DLG2: variants seen among roughly 807,000 people sequenced by gnomAD.
DLG2 encodes the protein disks large homolog 2.
In DLG2, 45 loss-of-function variants were observed where a neutral mutation model predicts 132.5. The observed-to-expected ratio is 0.34, with a 90% CI of 0.27 to 0.44. The LOEUF is 0.44. Ranked by LOEUF, DLG2 falls within the 20% of genes least tolerant of loss-of-function variation. The pLI is 1.00. For synonymous variants in DLG2, 424 were observed against 419.6 expected (o/e 1.01, Z -0.13); for missense variants, 1,045 against 1,196.9 (o/e 0.87, Z 1.87).
chr11:85,347,500 T>C (rs1051793373), intron 3 of DLG2, among the ~76,000 whole-genome samples: 7 of 152,094 alleles, frequency 4.6e-5, no homozygotes, highest in African/African-American at 1.7e-4. Context: ...CCTTGGTCCA[T>C]TCATTCTTTC....
intron 9 of DLG2, among the ~76,000 whole-genome samples, chr11:84,133,342 C>T (rs2094486871): frequency 6.6e-6 from 1 of 151,980 alleles, no homozygotes; most frequent in South Asian, 2.1e-4. Context: ...AGAGGTGTAA[C>T]TGAGGTCACA....
rs900276483 is a variant in DLG2 at position 84,058,506 on chromosome 11, CAATAAT to C, written c.919+803_919+808del. On this transcript the variant is annotated intron_variant, in intron 11 of 27. Coordinates refer to ENST00000376104, the MANE Select transcript of DLG2 (RefSeq NM_001142699.3). ...GTCTGTCTCTACCAAAAAACAAATA[CAATAAT>C]AATAATAATAATAATAATAATAATA... Among the ~76,000 whole-genome samples the C allele has an allele frequency of 9.9e-3, 1,268 of 128,136 alleles. 14 individuals carry two copies. The highest frequency in any genetic ancestry group is 0.014 in the Non-Finnish European group (887 of 63,814). 84.1% of individuals were successfully genotyped at this position (128,136 alleles called of 152,430 possible).
chr11:85,502,585 G>A (rs1407243821), intron 3 of DLG2, among the ~76,000 whole-genome samples: 2 of 151,892 alleles, frequency 1.3e-5, no homozygotes, highest in Non-Finnish European at 2.9e-5. Flanking sequence ...TCACTTATAA[G>A]TTGGAGCTGA....
chr11:84,252,419 GA>G, intron 7 of DLG2, among the ~76,000 whole-genome samples: 1 of 151,874 alleles, frequency 6.6e-6, no homozygotes, highest in African/African-American at 2.4e-5. Context: ...ATACAGGCGT[GA>G]ACAAGCATGC....
chr11:85,193,816 T>G (rs1340839025), intron 4 of DLG2, among the ~76,000 whole-genome samples: 1 of 152,232 alleles, frequency 6.6e-6, no homozygotes, highest in Non-Finnish European at 1.5e-5. Context: ...CTACCACTCT[T>G]TGGGTTGTCA....
At chr11:85,431,212 A>G (rs1207119080) in intron 3 of DLG2, among the ~76,000 whole-genome samples, 1 of 152,300 alleles carries the variant, frequency 6.6e-6, no homozygotes, top group South Asian at 2.1e-4. Flanking sequence ...CAGCTGAGGT[A>G]TCCATGTTCT....
intron 18 of DLG2, among the ~76,000 whole-genome samples, chr11:83,732,758 G>T (rs2091244915): frequency 6.6e-6 from 1 of 152,184 alleles, no homozygotes; most frequent in South Asian, 2.1e-4. Context: ...ATTCTAAAAT[G>T]GCTCCTTTAA....
intron 3 of DLG2, 140 bp from the exon 4 acceptor site, chr11:85,285,505 G>T (rs934142367): frequency 1.4e-6 from 1 of 697,094 alleles, no homozygotes; most frequent in Non-Finnish European, 2.3e-6. Context: ...AAGTAAAACA[G>T]AAGAAATCCT....
chr11:83,704,974 A>G (rs917726328), intron 18 of DLG2, among the ~76,000 whole-genome samples: 1 of 152,220 alleles, frequency 6.6e-6, no homozygotes, highest in Non-Finnish European at 1.5e-5. Context: ...TCTCAGCATA[A>G]TGCAATACAC....
At chr11:84,792,080 G>T (rs1275936876) in intron 6 of DLG2, among the ~76,000 whole-genome samples, 1 of 152,096 alleles carries the variant, frequency 6.6e-6, no homozygotes, top group Non-Finnish European at 1.5e-5. Context: ...TGACATATAT[G>T]ACTTTTATTA....
intron 6 of DLG2, among the ~76,000 whole-genome samples, chr11:85,062,056 T>A (rs1219053950): frequency 3.3e-5 from 5 of 151,860 alleles, no homozygotes; most frequent in Non-Finnish European, 7.4e-5. Flanking sequence ...GGGGTCACTT[T>A]GGAAGTTATA....
intron 19 of DLG2, among the ~76,000 whole-genome samples, chr11:83,551,153 C>A (rs1392949588): frequency 6.6e-6 from 1 of 152,082 alleles, no homozygotes; most frequent in Non-Finnish European, 1.5e-5. Context: ...GGGCAAGAAT[C>A]CCTGTCCGAC....
chr11:84,022,642 C>A (rs1036151301), intron 11 of DLG2, among the ~76,000 whole-genome samples: 2 of 152,090 alleles, frequency 1.3e-5, no homozygotes, highest in Non-Finnish European at 2.9e-5. Flanking sequence ...TGAGCAAAAG[C>A]ATATCTTTTA....
intron 4 of DLG2, among the ~76,000 whole-genome samples, chr11:85,230,918 A>G (rs906147631): frequency 2.6e-5 from 4 of 151,952 alleles, no homozygotes; most frequent in African/African-American, 4.8e-5. Flanking sequence ...GGATACAGCA[A>G]GAAGACACCA....
chr11:84,898,490 G>A (rs2090480377), intron 6 of DLG2, among the ~76,000 whole-genome samples: 1 of 151,944 alleles, frequency 6.6e-6, no homozygotes, highest in African/African-American at 2.4e-5. Context: ...TACTTCATGT[G>A]AGAGTAAACT....
intron 6 of DLG2, among the ~76,000 whole-genome samples, chr11:84,830,756 C>T (rs1352362393): frequency 2.0e-5 from 3 of 151,458 alleles, no homozygotes; most frequent in Non-Finnish European, 4.4e-5. Context: ...ATGTAGATTC[C>T]TAGAGAAAAC....
At chr11:85,507,476 G>A (rs2093961723) in intron 3 of DLG2, among the ~76,000 whole-genome samples, 1 of 152,106 alleles carries the variant, frequency 6.6e-6, no homozygotes, top group South Asian at 2.1e-4. Flanking sequence ...ATGAAGCTTA[G>A]TTTGGTTGGA....
chr11:84,156,498 T>A (rs1020992262), intron 9 of DLG2, among the ~76,000 whole-genome samples: 1 of 152,150 alleles, frequency 6.6e-6, no homozygotes, highest in African/African-American at 2.4e-5. Context: ...ATTCCTCCCA[T>A]CCTCACTGAA....
At chr11:83,480,558 G>T in intron 22 of DLG2, 1 of 1,540,552 alleles carries the variant, frequency 6.5e-7, no homozygotes. Context: ...AGAAAACTCA[G>T]ATAAGATAAA....
Sources: allele counts gnomAD v4.1 joint callset (sites outside exome capture counted in the v4.1 genomes callset), GRCh38; gene constraint gnomAD v4.1.1; transcripts MANE v1.5; gene names NCBI Gene and HGNC (gene_info 2026-07-23, HGNC 2026-07-21).